Variants in MYCBP2 observed in about 807,000 individuals in gnomAD.
MYCBP2 encodes MYC binding protein 2, also known as E3 ubiquitin-protein ligase MYCBP2.
Under a neutral mutation model 525.3 loss-of-function variants are expected in MYCBP2, and 120 were observed. That is an observed-to-expected ratio of 0.23 (90% CI 0.20 to 0.27). The LOEUF (loss-of-function observed/expected upper bound fraction) is 0.27. MYCBP2 is among the 10% of genes least tolerant of loss of function. The pLI is 1.00. For missense variants in MYCBP2, 4,149 were observed against 5,657.1 expected (o/e 0.73, Z 8.55); for synonymous variants, 1,894 against 1,955.8 (o/e 0.97, Z 0.83).
At chr13:77,242,736 A>G (rs561935719) in intron 17 of MYCBP2, among the ~76,000 whole-genome samples, 18 of 152,348 alleles carry the variant, frequency 1.2e-4, no homozygotes, top group African/African-American at 4.1e-4. Flanking sequence ...TTGTGAGAAT[A>G]TCTATTTTTA....
chr13:77,263,908 C>A (rs187757484), intron 9 of MYCBP2, 21 bp downstream of exon 9: 52 of 1,609,154 alleles, frequency 3.2e-5, no homozygotes, highest in Non-Finnish European at 4.3e-5. Flanking sequence ...ACACTAGCTA[C>A]TTAAGATTCA....
chr13:77,162,801 C>T (rs978504499), intron 43 of MYCBP2, among the ~76,000 whole-genome samples: 9 of 152,124 alleles, frequency 5.9e-5, no homozygotes, highest in African/African-American at 2.2e-4. Flanking sequence ...GGACTACAGG[C>T]ATGTGCCACC....
Position 77,224,546 on chromosome 13 carries a change from A to G in MYCBP2, c.2858-14T>C, listed in dbSNP as rs2065994415. On this transcript the variant is annotated splice_polypyrimidine_tract_variant and intron_variant, in intron 19 of 82. Coordinates refer to ENST00000544440, the MANE Select transcript of MYCBP2 (RefSeq NM_015057.5). ...CCATTAAAACCACTGCAACCAAAACACACAGCTTTATTTTTTCATTATATG... is the reference window on the plus strand; with the variant it reads ...CCATTAAAACCACTGCAACCAAAACGCACAGCTTTATTTTTTCATTATATG... 5 of 1,539,782 alleles carry G rather than the reference A, an allele frequency of 3.2e-6. No individual in the cohort carries two copies. In the East Asian group the frequency reaches 9.1e-5, roughly 28 times the overall value.
intron 3 of MYCBP2, among the ~76,000 whole-genome samples, chr13:77,286,453 AG>A (rs2076768750): frequency 6.6e-6 from 1 of 151,968 alleles, no homozygotes; most frequent in Non-Finnish European, 1.5e-5. Context: ...TCTACTATAT[AG>A]AAAAAATATA....
intron 2 of MYCBP2, among the ~76,000 whole-genome samples, chr13:77,290,721 ATACC>A (rs2077381018): frequency 2.6e-5 from 4 of 152,184 alleles, no homozygotes. Flanking sequence ...AGGAAGGAAG[ATACC>A]TGTGGCTATA....
chr13:77,066,111 A>C, intron 71 of MYCBP2, 23 bp from the exon 72 acceptor site: 1 of 1,504,644 alleles, frequency 6.6e-7, no homozygotes, highest in Non-Finnish European at 9.2e-7. Context: ...TTAGCACTTA[A>C]AAAGCCAATA....
chr13:77,239,685 T>A (rs1205412599), intron 17 of MYCBP2, among the ~76,000 whole-genome samples: 3 of 152,190 alleles, frequency 2.0e-5, no homozygotes, highest in African/African-American at 4.8e-5. Context: ...TCAGTAGAGA[T>A]CTGAAGTGGG....
chr13:77,313,126 T>G (rs1160000229), intron 1 of MYCBP2, among the ~76,000 whole-genome samples: 1 of 152,068 alleles, frequency 6.6e-6, no homozygotes, highest in Non-Finnish European at 1.5e-5. Flanking sequence ...CTGAAAGTTG[T>G]AATAATTTTA....
chr13:77,286,253 G>A (rs1410879477), intron 3 of MYCBP2, among the ~76,000 whole-genome samples: 1 of 152,156 alleles, frequency 6.6e-6, no homozygotes, highest in Non-Finnish European at 1.5e-5. Flanking sequence ...TTGTGGATAT[G>A]TATAAGCTTT....
Position 77,126,519 on chromosome 13 carries a change from G to C in MYCBP2, c.7683C>G (p.Asp2561Glu). The C allele has an allele frequency of 6.2e-7, 1 of 1,613,382 alleles. No homozygotes were observed. Among genetic ancestry groups the C allele is most frequent in the Non-Finnish European group, 8.5e-7 (1 of 1,179,660 alleles). ...AGCAGGAGTTTATGTCTTTGAAAAA[G>C]TCATCAGTATTAGTTTTAGATTCCT... Reference protein sequence around the residue: ...PVDESKTNTDDFFKDINSCCP... With the variant: ...PVDESKTNTDEFFKDINSCCP... Residue 2561 changes from aspartate (D) to glutamate (E), a missense_variant, in exon 53 of 83, where the codon GAC becomes GAG. Around this residue, in one of 21 missense-constraint regions of MYCBP2, gnomAD observed 692 missense variants for 852.7 expected, o/e 0.81. Coordinates refer to ENST00000544440, the MANE Select transcript of MYCBP2 (RefSeq NM_015057.5).
At chr13:77,059,202 AT>A (rs2038802442) in intron 77 of MYCBP2, among the ~76,000 whole-genome samples, 1 of 152,218 alleles carries the variant, frequency 6.6e-6, no homozygotes, top group South Asian at 2.1e-4. Context: ...TTGAAAATGT[AT>A]TTTAAGGAAA....
chr13:77,311,071 G>A (rs544186982), intron 1 of MYCBP2, among the ~76,000 whole-genome samples: 1 of 152,312 alleles, frequency 6.6e-6, no homozygotes, highest in South Asian at 2.1e-4. Flanking sequence ...TCCCAGTTTG[G>A]TTGTTTTTCT....
chr13:77,299,214 C>T (rs1399033582), intron 1 of MYCBP2, among the ~76,000 whole-genome samples: 1 of 152,104 alleles, frequency 6.6e-6, no homozygotes. Flanking sequence ...TTATAACTGA[C>T]TCAAATTTTC....
At chr13:77,153,814 C>G (rs2056859525) in intron 46 of MYCBP2, among the ~76,000 whole-genome samples, 1 of 151,984 alleles carries the variant, frequency 6.6e-6, no homozygotes, top group Non-Finnish European at 1.5e-5. Flanking sequence ...ACCCTTCACT[C>G]AGGTTCCCCC....
chr13:77,254,847 T>C (rs1487695340), intron 14 of MYCBP2, among the ~76,000 whole-genome samples: 3 of 152,040 alleles, frequency 2.0e-5, no homozygotes, highest in Non-Finnish European at 4.4e-5. Flanking sequence ...ATATGAGTGA[T>C]ATTTGTCTCT....
At chr13:77,190,414 T>A (rs1277447738) in intron 28 of MYCBP2, 79 bp from the exon 29 acceptor site, 1 of 854,704 alleles carries the variant, frequency 1.2e-6, no homozygotes, top group African/African-American at 1.7e-5. Context: ...TGTTTTCAAA[T>A]CTTATGTCAA....
At chr13:77,303,134 A>T (rs1594787548) in intron 1 of MYCBP2, among the ~76,000 whole-genome samples, 1 of 152,352 alleles carries the variant, frequency 6.6e-6, no homozygotes, top group Non-Finnish European at 1.5e-5. Context: ...GGTGTTCGAG[A>T]CCAGCCTCAC....
intron 55 of MYCBP2, chr13:77,118,368 G>C (rs774680646): frequency 1.3e-6 from 1 of 762,702 alleles, no homozygotes; most frequent in African/African-American, 1.7e-5. Flanking sequence ...GGAAGGAAAG[G>C]GGCTGTCCGA....
intron 45 of MYCBP2, among the ~76,000 whole-genome samples, chr13:77,157,459 A>G (rs548620324): frequency 6.6e-6 from 1 of 152,294 alleles, no homozygotes; most frequent in African/African-American, 2.4e-5. Flanking sequence ...CCTATGCTCT[A>G]GCAATCCACT....
Sources: gnomAD v4.1 joint callset for allele counts (sites outside exome capture counted in the v4.1 genomes callset) on GRCh38, gnomAD v4.1.1 for gene constraint, gnomAD v4.1.1 regional missense constraint, MANE v1.5 for transcripts, NCBI Gene and HGNC (gene_info 2026-07-23, HGNC 2026-07-21) for gene names.